The following HACE1 variants were observed in gnomAD, a reference collection of about 807,000 sequenced individuals.
HACE1 encodes HECT domain and ankyrin repeat containing E3 ubiquitin protein ligase 1, also known as E3 ubiquitin-protein ligase HACE1.
In HACE1, 73 loss-of-function variants were observed where a neutral mutation model predicts 118.4. The observed-to-expected ratio is 0.62, with a 90% confidence interval of 0.51 to 0.75. The LOEUF (loss-of-function observed/expected upper bound fraction) is 0.75. HACE1 is among the 30% of genes least tolerant of loss of function. HACE1 has a pLI of 0.00. For synonymous variants in HACE1, 368 were observed against 374.8 expected, an observed-to-expected ratio of 0.98 and a Z score of 0.21; for missense variants, 749 against 1,102.2, an observed-to-expected ratio of 0.68 and a Z score of 4.54.
chr6:104,751,524 G>C (rs1778042132), intron 19 of HACE1, among the ~76,000 whole-genome samples: 1 of 152,138 alleles, frequency 6.6e-6, no homozygotes, highest in South Asian at 2.1e-4. Flanking sequence ...AGTTACTAGG[G>C]GAGGCTGAGG....
chr6:104,816,329 C>G (rs1236468722), intron 6 of HACE1, among the ~76,000 whole-genome samples: 2 of 152,186 alleles, frequency 1.3e-5, no homozygotes, highest in South Asian at 2.1e-4. Context: ...CAGGCCGGAC[C>G]CAGGGCCCCA....
chr6:104,795,562 T>C lies in HACE1; in HGVS notation c.923+17A>G, dbSNP rs751093676. 7.0e-7 allele frequency: 1 copy of C among 1,423,928 alleles called. No individual in the cohort carries two copies. 88.2% of individuals were successfully genotyped at this position (1,423,928 alleles called of 1,614,324 possible). A position where few individuals can be genotyped will look rare whatever the true frequency, so the allele number is the denominator to read the frequency against. On this transcript the variant is annotated intron_variant, in intron 10 of 23. Transcript: ENST00000262903. The stretch of plus-strand genomic sequence containing the variant: ...ACACTGCTACCTATTGATTTCCTCT[T>C]ATTGCGAAACACTTACCTAAGCAGT...
chr6:104,768,485 G>C (rs753370387), intron 19 of HACE1, among the ~76,000 whole-genome samples: 1 of 152,058 alleles, frequency 6.6e-6, no homozygotes, highest in Non-Finnish European at 1.5e-5. Context: ...GGTAAAATGT[G>C]ATGTGTTTCT....
intron 22 of HACE1, among the ~76,000 whole-genome samples, chr6:104,741,062 C>G (rs1168199252): frequency 6.4e-4 from 75 of 116,666 alleles, no homozygotes; most frequent in African/African-American, 1.5e-3. Context: ...ACAAAAACCA[C>G]ATGATTATCT....
At chr6:104,776,622 A>G in intron 17 of HACE1, 119 bp downstream of exon 17, 1 of 723,198 alleles carries the variant, frequency 1.4e-6, no homozygotes, top group Non-Finnish European at 2.5e-6. Context: ...CTCATCTATA[A>G]AATAAGAATA....
At chr6:104,798,363 A>G (rs961934064) in intron 7 of HACE1, among the ~76,000 whole-genome samples, 5 of 152,202 alleles carry the variant, frequency 3.3e-5, no homozygotes, top group African/African-American at 1.2e-4. Flanking sequence ...CACTGTATGA[A>G]GAATAATTTA....
In HACE1 at chr6:104,785,019, A is replaced by G; in HGVS notation, c.1375T>C (p.Phe459Leu). 1.2e-6 allele frequency: 2 copies of G among 1,613,676 alleles called. No homozygotes were observed. The highest frequency in any genetic ancestry group is 1.1e-5 in the South Asian group (1 of 90,940). Residue 459 changes from phenylalanine to leucine, a missense_variant, in exon 12 of 24, where the codon TTT becomes CTT. Transcript: ENST00000262903. ...ATCTGACAAGAACAGCACATGTAAA[A>G]AGCTTGAATGACAGCACTTAGCCGG... ...ANRLSAVIQA[F>L]YMCCSCQMPP... is the part of the protein sequence containing the mutation.
At chr6:104,832,912 C>T in intron 6 of HACE1, 130 bp downstream of exon 6, 1 of 858,728 alleles carries the variant, frequency 1.2e-6, no homozygotes, top group Admixed American at 2.0e-5. Flanking sequence ...AAAAAAAGTC[C>T]ATATGATGCA....
At chr6:104,741,984 C>G (rs2114488880) in intron 22 of HACE1, among the ~76,000 whole-genome samples, 1 of 151,392 alleles carries the variant, frequency 6.6e-6, no homozygotes, top group East Asian at 1.9e-4. Flanking sequence ...TGGAACAGAA[C>G]AGAGCCCTCA....
chr6:104,802,428 G>A (rs557204131), intron 7 of HACE1, among the ~76,000 whole-genome samples: 6 of 152,124 alleles, frequency 3.9e-5, no homozygotes, highest in South Asian at 4.2e-4. Flanking sequence ...TTCTCAGCAC[G>A]ACATCACACT....
At chr6:104,729,977 G>A (rs1370291433) in intron 23 of HACE1, among the ~76,000 whole-genome samples, 2 of 152,140 alleles carry the variant, frequency 1.3e-5, no homozygotes, top group East Asian at 1.9e-4. Flanking sequence ...AAGAAAATAC[G>A]TTCCTTTCAG....
At chr6:104,777,356 A>G (rs1781324583) in intron 14 of HACE1, 39 bp from the exon 15 acceptor site, 1 of 1,200,788 alleles carries the variant, frequency 8.3e-7, no homozygotes, top group Non-Finnish European at 1.2e-6. Flanking sequence ...TTAGCAGTGT[A>G]TCAGTCATCT....
intron 1 of HACE1, 123 bp downstream of exon 1, chr6:104,859,444 G>A: frequency 2.6e-6 from 2 of 779,200 alleles, no homozygotes; most frequent in Non-Finnish European, 3.9e-6. Flanking sequence ...GCTCTGGAAA[G>A]TAAAAGTGGG....
At chr6:104,757,120 C>T (rs1324430131) in intron 19 of HACE1, among the ~76,000 whole-genome samples, 1 of 152,196 alleles carries the variant, frequency 6.6e-6, no homozygotes, top group Non-Finnish European at 1.5e-5. Context: ...CTCTAGATTC[C>T]ACCTCTAGGG....
chr6:104,743,161 G>A (rs1394508556), intron 22 of HACE1, among the ~76,000 whole-genome samples: 4 of 125,442 alleles, frequency 3.2e-5, no homozygotes, highest in Admixed American at 1.9e-4. Flanking sequence ...GGGGACTGTT[G>A]TGGGGTGGGG....
chr6:104,830,271 C>T lies in HACE1; in HGVS notation c.534+2771G>A, dbSNP rs116848899. Among the ~76,000 whole-genome samples, 887 of 152,250 alleles carry T rather than the reference C, an allele frequency of 5.8e-3. 6 individuals are homozygous for T. The highest frequency in any genetic ancestry group is 9.9e-3 in the Non-Finnish European group (672 of 68,014). ...AAACCTGGGTCACTCAAGATTAGGA[C>T]ATTTCACATCTTTTTTTCCCACATA... On this transcript the variant is annotated intron_variant, in intron 6 of 23. Coordinates refer to ENST00000262903, the MANE Select transcript of HACE1 (RefSeq NM_020771.4).
chr6:104,729,867 C>T (rs1582536618), intron 23 of HACE1, 103 bp from the exon 24 acceptor site: 1 of 704,882 alleles, frequency 1.4e-6, no homozygotes, highest in East Asian at 2.7e-5. Context: ...TAAAATCATC[C>T]TCCCAAATTT....
intron 5 of HACE1, among the ~76,000 whole-genome samples, chr6:104,834,569 C>T: frequency 6.6e-6 from 1 of 152,148 alleles, no homozygotes; most frequent in East Asian, 1.9e-4. Flanking sequence ...TCAGTCTCTA[C>T]TTCTTCCCTA....
At chr6:104,813,841 G>C (rs558509344) in intron 6 of HACE1, among the ~76,000 whole-genome samples, 1 of 137,328 alleles carries the variant, frequency 7.3e-6, no homozygotes, top group Admixed American at 7.2e-5. Context: ...GAATAACAAA[G>C]ACAGTAAAGG....
Sources: allele counts gnomAD v4.1 joint callset (sites outside exome capture counted in the v4.1 genomes callset), GRCh38; gene constraint gnomAD v4.1.1; transcripts MANE v1.5; gene names NCBI Gene and HGNC (gene_info 2026-07-23, HGNC 2026-07-21).